The following CYP3A5 variants were observed in gnomAD, a reference collection of about 807,000 sequenced individuals.
The protein encoded by CYP3A5 is cytochrome P450 family 3 subfamily A member 5.
Under a neutral mutation model 55.9 loss-of-function variants are expected in CYP3A5, and 51 were observed. That is an observed-to-expected ratio of 0.91 (90% CI 0.73 to 1.15). The LOEUF (loss-of-function observed/expected upper bound fraction) is 1.15, where lower values mean the gene tolerates loss of function less well. Ranked by LOEUF, CYP3A5 falls within the 50% of genes most tolerant of loss-of-function variation. CYP3A5 has a pLI of 0.00. For missense variants in CYP3A5, 533 were observed against 596.6 expected (o/e 0.89, Z 1.11); for synonymous variants, 196 against 213.9 (o/e 0.92, Z 0.73).
chr7:99,650,206 T>G lies in CYP3A5; in HGVS notation c.1280A>C (p.Asp427Ala). The G allele has an allele frequency of 5.0e-6, 8 of 1,614,030 alleles. No homozygotes were observed. Among genetic ancestry groups the G allele is most frequent in the Non-Finnish European group, 6.8e-6 (8 of 1,179,930 alleles). ...TCCAAAGGGTGTGTATATGTAAGGA[T>G]CTATGCTGTCCTTCTTCTTACTGAA... is the stretch of plus-strand genomic sequence containing the variant. ...ERFSKKKDSI[D>A]PYIYTPFGTG... Residue 427 changes from aspartate (D) to alanine (A), a missense_variant, in exon 12 of 13, where the codon GAT (aspartate) becomes GCT (alanine). Physicochemically the swap from Asp to Ala is moderately radical, Grantham distance 126. Coordinates refer to ENST00000222982, the MANE Select transcript of CYP3A5 (RefSeq NM_000777.5).
chr7:99,665,112 T>C, intron 7 of CYP3A5, 54 bp downstream of exon 7: 1 of 1,406,118 alleles, frequency 7.1e-7, no homozygotes, highest in Non-Finnish European at 9.8e-7. Context: ...GTGAATTATA[T>C]GTCAAGAAAG....
At chr7:99,657,060 G>GT (rs1044715153) in intron 10 of CYP3A5, among the ~76,000 whole-genome samples, 2 of 151,922 alleles carry the variant, frequency 1.3e-5, no homozygotes, top group African/African-American at 4.8e-5. Context: ...TTTTTGAAGG[G>GT]TTTTTTTGTG....
chr7:99,676,959 T>C (rs1812354229), intron 1 of CYP3A5, among the ~76,000 whole-genome samples: 1 of 152,168 alleles, frequency 6.6e-6, no homozygotes, highest in South Asian at 2.1e-4. Flanking sequence ...CTTGAATGAT[T>C]GTGTGCAGAA....
At chr7:99,667,611 T>G (rs1245332372) in intron 4 of CYP3A5, among the ~76,000 whole-genome samples, 1 of 152,230 alleles carries the variant, frequency 6.6e-6, no homozygotes, top group African/African-American at 2.4e-5. Context: ...TCTTAATTTT[T>G]TATTCCATAA....
At position 99,676,262 on chromosome 7, in the gene CYP3A5, G is replaced by C. The variant is rs573658259; in HGVS notation, c.72-54C>G. On this transcript the variant is annotated intron_variant, in intron 1 of 12. Coordinates refer to ENST00000222982, the MANE Select transcript of CYP3A5 (RefSeq NM_000777.5). ...AGGGATTGTGACTTTATAGATCAGA[G>C]GGCTGGTGAGTTACTCAGGAACTGG... 8.1e-6 allele frequency: 13 copies of C among 1,609,616 alleles called. No individual in the cohort carries two copies. The African/African-American group carries it at 1.6e-4, about 20-fold the overall frequency.
intron 9 of CYP3A5, 92 bp from the exon 10 acceptor site, chr7:99,660,751 G>A: frequency 1.4e-6 from 2 of 1,470,912 alleles, no homozygotes; most frequent in African/African-American, 1.4e-5. Flanking sequence ...CTAATCCCAA[G>A]AAGAAAAAAT....
chr7:99,672,911 A>G, intron 3 of CYP3A5: 1 of 1,341,468 alleles, frequency 7.5e-7, no homozygotes, highest in Non-Finnish European at 9.5e-7. Context: ...AACAGGGAAG[A>G]GATATTGAAA....
chr7:99,660,430 G>T lies in CYP3A5; in HGVS notation c.1026+69C>A. The T allele has an allele frequency of 2.0e-6, 3 of 1,511,312 alleles. No homozygotes were observed. In the South Asian group the frequency reaches 4.0e-5, roughly 20 times the overall value. The allele number at this position is 1,511,312 out of a possible 1,614,324, so 93.6% of individuals were successfully genotyped here. A position where few individuals can be genotyped will look rare whatever the true frequency, so the allele number is the denominator to read the frequency against. On this transcript the variant is annotated intron_variant, in intron 10 of 12. Coordinates refer to ENST00000222982, the MANE Select transcript of CYP3A5 (RefSeq NM_000777.5). ...ATGCTTTTTATAAAAATTCTCCTGG[G>T]GAGTGGTGAGGAGGCATTTTTGCTA...
intron 10 of CYP3A5, among the ~76,000 whole-genome samples, chr7:99,654,836 A>G (rs1269257035): frequency 5.3e-5 from 8 of 152,212 alleles, no homozygotes; most frequent in African/African-American, 1.9e-4. Context: ...ATGGCCAGTG[A>G]TGATGAACAT....
intron 4 of CYP3A5, chr7:99,671,973 A>T: frequency 1.5e-6 from 1 of 647,072 alleles, no homozygotes; most frequent in South Asian, 1.7e-5. Flanking sequence ...AGCTCTGTAA[A>T]CTATATCAAA....
intron 1 of CYP3A5, among the ~76,000 whole-genome samples, chr7:99,677,962 G>A (rs1015246769): frequency 9.2e-5 from 14 of 152,216 alleles, no homozygotes; most frequent in African/African-American, 1.9e-4. Context: ...TGTGCTGGGC[G>A]AACTCTTTAG....
At position 99,653,450 on chromosome 7, in the gene CYP3A5, C is replaced by CTCAAAT. The variant is rs141936909; in HGVS notation, c.1027-672_1027-671insATTTGA. On this transcript the variant is annotated intron_variant, in intron 10 of 12. Coordinates refer to ENST00000222982, the MANE Select transcript of CYP3A5 (RefSeq NM_000777.5). This position sits in a 1 kb window ranked among gnomAD's most constrained non-coding sequence, Gnocchi z 4.2. ...TGGGTCGTAGAGTCAGACCCTGTCTCAAATAAATAAATAAATAAATAAATA... is the reference window on the plus strand; with the variant it reads ...TGGGTCGTAGAGTCAGACCCTGTCTCTCAAATAAATAAATAAATAAATAAATAAATA... Among the ~76,000 whole-genome samples the CTCAAAT allele has an allele frequency of 2.1e-5, 3 of 145,494 alleles. No individual in the cohort carries two copies. The highest frequency in any genetic ancestry group is 3.0e-5 in the Non-Finnish European group (2 of 66,590).
intron 4 of CYP3A5, among the ~76,000 whole-genome samples, chr7:99,669,732 C>T (rs1023721265): frequency 6.6e-6 from 1 of 152,066 alleles, no homozygotes; most frequent in African/African-American, 2.4e-5. Context: ...CTGAAGAAAT[C>T]GAAATGTCAC....
intron 6 of CYP3A5, 151 bp downstream of exon 6, chr7:99,666,450 C>T (rs1299353905): frequency 2.5e-6 from 2 of 787,316 alleles, no homozygotes; most frequent in Non-Finnish European, 4.2e-6. Flanking sequence ...TCATGGGAGC[C>T]ACTCCCTCTT....
At chr7:99,671,842 G>A (rs1811672205) in intron 4 of CYP3A5, 1 of 702,808 alleles carries the variant, frequency 1.4e-6, no homozygotes. Context: ...GTGACGGAAT[G>A]GGTCTGCATC....
intron 8 of CYP3A5, chr7:99,663,101 A>T (rs1406932675): frequency 7.9e-7 from 1 of 1,265,142 alleles, no homozygotes; most frequent in East Asian, 3.7e-5. Context: ...ATCATGTCCA[A>T]TTGCTTTTTC....
At chr7:99,657,323 C>A (rs1431029970) in intron 10 of CYP3A5, among the ~76,000 whole-genome samples, 1 of 152,156 alleles carries the variant, frequency 6.6e-6, no homozygotes, top group Non-Finnish European at 1.5e-5. Flanking sequence ...TTTATTTCTG[C>A]CTTCATTTCG....
intron 9 of CYP3A5, among the ~76,000 whole-genome samples, chr7:99,661,705 T>C (rs2151404260): frequency 6.6e-6 from 1 of 152,324 alleles, no homozygotes; most frequent in East Asian, 1.9e-4. Flanking sequence ...TCTACAGAGT[T>C]CTGATTTATC....
Position 99,653,224 on chromosome 7 carries a change from G to T in CYP3A5, c.1027-445C>A, listed in dbSNP as rs1427372036. ...CAAGGATTATTGGTTGCAGAGTCCT[G>T]CTTGGTAACTCTTTTGAGGAGTTTG... On this transcript the variant is annotated intron_variant, in intron 10 of 12. Transcript: ENST00000222982. This position sits in a 1 kb window ranked among gnomAD's most constrained non-coding sequence, Gnocchi z 4.2. Among the ~76,000 whole-genome samples the T allele has an allele frequency of 3.3e-5, 5 of 152,178 alleles. No individual in the cohort carries two copies. Among genetic ancestry groups the T allele is most frequent in the Admixed American group, 1.3e-4 (2 of 15,276 alleles).
Sources: gnomAD v4.1 joint callset for allele counts (sites outside exome capture counted in the v4.1 genomes callset) on GRCh38, gnomAD v4.1.1 for gene constraint, Gnocchi (gnomAD v3.1) non-coding constraint, MANE v1.5 for transcripts, NCBI Gene and HGNC (gene_info 2026-07-23, HGNC 2026-07-21) for gene names.